The following CSTF3 variants were observed in gnomAD, a reference collection of about 807,000 sequenced individuals.
CSTF3 encodes CF-1 77 kDa subunit.
A neutral mutation model predicts 105.8 loss-of-function variants in CSTF3; 29 were observed. The ratio of observed to expected loss-of-function variants is 0.27; its 90% CI spans 0.20 to 0.37. CSTF3 has a LOEUF of 0.37. Among genes scored for constraint, CSTF3 ranks in the 10% least tolerant of loss-of-function variants. The pLI is 1.00. For synonymous variants in CSTF3, 252 were observed against 281.9 expected (o/e 0.89, Z 1.06); for missense variants, 357 against 879.3 (o/e 0.41, Z 7.51).
At chr11:33,135,901 AT>A (rs778607946) in intron 3 of CSTF3, among the ~76,000 whole-genome samples, 99 of 152,260 alleles carry the variant, frequency 6.5e-4, no homozygotes, top group Non-Finnish European at 1.0e-3. Context: ...TGTCACATGA[AT>A]AGAAGTATTT....
chr11:33,084,906 TC>T lies in CSTF3; in HGVS notation c.*180del. 1.4e-6 allele frequency: 1 copy of T among 694,054 alleles called. No individual in the cohort carries two copies. Among genetic ancestry groups the T allele is most frequent in the Admixed American group, 2.5e-5 (1 of 40,224 alleles). The allele number at this position is 694,054 out of a possible 1,614,324, so 43.0% of individuals were successfully genotyped here. ...AATTTTGCTTAGAGCATAGGTCTGT[TC>T]CGTATTCTAAAATTCACACAGGTTG... On this transcript the variant is annotated 3_prime_UTR_variant, in exon 21 of 21. Coordinates refer to ENST00000323959, the MANE Select transcript of CSTF3 (RefSeq NM_001326.3).
At chr11:33,158,962 T>C (rs1477314444) in intron 1 of CSTF3, among the ~76,000 whole-genome samples, 1 of 152,004 alleles carries the variant, frequency 6.6e-6, no homozygotes, top group African/African-American at 2.4e-5. Context: ...AATGATTCAA[T>C]ATGTAAATCT....
intron 3 of CSTF3, among the ~76,000 whole-genome samples, chr11:33,120,952 G>A (rs558977709): frequency 7.2e-5 from 11 of 152,128 alleles, no homozygotes; most frequent in Middle Eastern, 3.4e-3. Flanking sequence ...AATACTATCA[G>A]TAAATTCAGA....
At chr11:33,112,926 C>G (rs959455732) in intron 3 of CSTF3, among the ~76,000 whole-genome samples, 1 of 151,944 alleles carries the variant, frequency 6.6e-6, no homozygotes, top group African/African-American at 2.4e-5. Flanking sequence ...CCATTATAAA[C>G]CACATTACAT....
rs3834432 is a variant in CSTF3, at chr11:33,085,362, C to CTTTATAA, written c.1952-74_1952-73insTTATAAA. On this transcript the variant is annotated intron_variant, in intron 20 of 20. Coordinates refer to ENST00000323959, the MANE Select transcript of CSTF3 (RefSeq NM_001326.3). ...GGGTATGTATGTTCAACTGTGGATA[C>CTTTATAA]TTTATTTCATAGCCTACTATTTTAG... The CTTTATAA allele has an allele frequency of 3.3e-6, 4 of 1,207,264 alleles. No individual in the cohort carries two copies. The East Asian group carries it at 9.6e-5, about 29-fold the overall frequency. 74.8% of individuals were successfully genotyped at this position (1,207,264 alleles called of 1,614,324 possible).
Position 33,102,163 on chromosome 11 carries a change from G to T in CSTF3, c.826+14C>A. The T allele has an allele frequency of 6.2e-7, 1 of 1,611,628 alleles. No individual in the cohort carries two copies. Among genetic ancestry groups the T allele is most frequent in the Non-Finnish European group, 8.5e-7 (1 of 1,178,656 alleles). On this transcript the variant is annotated intron_variant, in intron 10 of 20. Coordinates refer to ENST00000323959, the MANE Select transcript of CSTF3 (RefSeq NM_001326.3). ...TACATGTAACTGAAGTCCCATGAGG[G>T]TTAATCATGTTACCTCTTTTTGTTA...
chr11:33,111,654 A>T (rs963025598), intron 3 of CSTF3, among the ~76,000 whole-genome samples: 1 of 152,200 alleles, frequency 6.6e-6, no homozygotes, highest in Non-Finnish European at 1.5e-5. Context: ...TATGTCTATT[A>T]TGTATATCTA....
intron 3 of CSTF3, among the ~76,000 whole-genome samples, chr11:33,114,252 T>C (rs991483638): frequency 6.6e-6 from 1 of 152,216 alleles, no homozygotes; most frequent in Non-Finnish European, 1.5e-5. Context: ...TATTGAGATC[T>C]AAAGAAAGCA....
chr11:33,152,363 G>A (rs559823149), intron 1 of CSTF3, among the ~76,000 whole-genome samples: 17 of 152,272 alleles, frequency 1.1e-4, no homozygotes, highest in African/African-American at 3.8e-4. Context: ...TCCTGGGTTC[G>A]ATCAATCCTC....
chr11:33,098,474 G>T (rs1855247085), intron 13 of CSTF3, among the ~76,000 whole-genome samples: 1 of 152,034 alleles, frequency 6.6e-6, no homozygotes, highest in African/African-American at 2.4e-5. Flanking sequence ...CAGAGGGAAG[G>T]GTTATATCTA....
chr11:33,141,930 A>G lies in CSTF3; in HGVS notation c.84T>C (p.Asn28=), dbSNP rs1455736510. Residue 28 remains asparagine (N), a synonymous_variant, in exon 2 of 21, where the codon AAT becomes AAC. Coordinates refer to ENST00000323959, the MANE Select transcript of CSTF3 (RefSeq NM_001326.3). ...VKKAEKKLEE[N]PYDLDAWSIL... ...TGCTCCAAGCATCAAGGTCATATGG[A>G]TTCTCTTCTAATTTCTTTTCCGCTT... The G allele has an allele frequency of 1.2e-6, 2 of 1,610,948 alleles. No homozygotes were observed. Among genetic ancestry groups the G allele is most frequent in the South Asian group, 2.2e-5 (2 of 90,556 alleles).
chr11:33,114,948 T>C (rs1209588049), intron 3 of CSTF3, among the ~76,000 whole-genome samples: 1 of 152,222 alleles, frequency 6.6e-6, no homozygotes, highest in Non-Finnish European at 1.5e-5. Flanking sequence ...CTATATACTT[T>C]GTGTAGGTTT....
At chr11:33,147,210 T>A (rs894319073) in intron 1 of CSTF3, among the ~76,000 whole-genome samples, 3 of 151,822 alleles carry the variant, frequency 2.0e-5, no homozygotes, top group Admixed American at 2.0e-4. Flanking sequence ...GGCAGGAAGA[T>A]CTCTTGAGCC....
chr11:33,147,186 A>G (rs560911996), intron 1 of CSTF3, among the ~76,000 whole-genome samples: 51 of 152,172 alleles, frequency 3.4e-4, no homozygotes, highest in Admixed American at 3.0e-3. Flanking sequence ...AGTCCTAGCT[A>G]CCTGGGACAC....
chr11:33,161,184 T>A, intron 1 of CSTF3, 115 bp downstream of exon 1: 3 of 1,111,546 alleles, frequency 2.7e-6, no homozygotes, highest in Non-Finnish European at 4.0e-6. Flanking sequence ...CTATATACCC[T>A]GTCCCCCGGG....
In CSTF3 at chr11:33,097,107, A is replaced by C. The variant is rs372760393; in HGVS notation, c.1129-129T>G. On this transcript the variant is annotated intron_variant, in intron 13 of 20. Transcript: ENST00000323959. ...AATATTCTATTTAAATCCACAAACTAATTTTTTTCTGGTATTAGAGATGCA... is the reference window on the plus strand; with the variant it reads ...AATATTCTATTTAAATCCACAAACTCATTTTTTTCTGGTATTAGAGATGCA... 1.3e-4 allele frequency: 88 copies of C among 662,928 alleles called. No homozygotes were observed. In the African/African-American group the frequency reaches 1.5e-3, roughly 11 times the overall value. The allele number at this position is 662,928 out of a possible 1,614,324, so 41.1% of individuals were successfully genotyped here.
chr11:33,099,863 T>A lies in CSTF3; in HGVS notation c.827-146A>T. On this transcript the variant is annotated intron_variant, in intron 10 of 20. Transcript: ENST00000323959. This position sits in a 1 kb window ranked among gnomAD's most constrained non-coding sequence, Gnocchi z 4.1. ...GCTTTAGTGATTTCTGGCACCATCA[T>A]CCATCCAAGTTCCCTCCATCTATCC... 2.0e-6 allele frequency: 1 copy of A among 503,464 alleles called. No individual in the cohort carries two copies. The highest frequency in any genetic ancestry group is 2.8e-5 in the South Asian group (1 of 35,648). 31.2% of individuals were successfully genotyped at this position (503,464 alleles called of 1,614,324 possible). A position where few individuals can be genotyped will look rare whatever the true frequency, so the allele number is the denominator to read the frequency against.
chr11:33,106,382 C>T (rs542117724), intron 5 of CSTF3, among the ~76,000 whole-genome samples: 2 of 152,190 alleles, frequency 1.3e-5, no homozygotes, highest in Non-Finnish European at 2.9e-5. Context: ...CACCATTACA[C>T]TTCAGCCTGG....
chr11:33,157,440 AG>A (rs1565023199), intron 1 of CSTF3, among the ~76,000 whole-genome samples: 1 of 152,178 alleles, frequency 6.6e-6, no homozygotes, highest in Non-Finnish European at 1.5e-5. Context: ...TATGTTTGTT[AG>A]GGGGGTAAAC....
Sources: gnomAD v4.1 joint callset for allele counts (sites outside exome capture counted in the v4.1 genomes callset) on GRCh38, gnomAD v4.1.1 for gene constraint, Gnocchi (gnomAD v3.1) non-coding constraint, MANE v1.5 for transcripts, NCBI Gene and HGNC (gene_info 2026-07-23, HGNC 2026-07-21) for gene names.